The following FAM107B variants were observed in gnomAD, a reference collection of about 807,000 sequenced individuals.
FAM107B encodes the protein family with sequence similarity 107 member B.
A neutral mutation model predicts 31.5 loss-of-function variants in FAM107B; 21 were observed. The ratio of observed to expected loss-of-function variants is 0.67; its 90% confidence interval spans 0.47 to 0.96. FAM107B has a LOEUF of 0.96. FAM107B is among the 40% of genes least tolerant of loss of function. The pLI is 0.00. For synonymous variants in FAM107B, 157 were observed against 141.5 expected (o/e 1.11, Z -0.78); for missense variants, 452 against 377.1 (o/e 1.20, Z -1.64).
At chr10:14,702,838 C>A (rs1003159660) in intron 1 of FAM107B, among the ~76,000 whole-genome samples, 2 of 152,110 alleles carry the variant, frequency 1.3e-5, no homozygotes, top group African/African-American at 4.8e-5. Flanking sequence ...AGAGGCTTCT[C>A]CCCTACCTAC....
intron 2 of FAM107B, among the ~76,000 whole-genome samples, chr10:14,544,666 A>G (rs1848536229): frequency 6.6e-6 from 1 of 152,228 alleles, no homozygotes; most frequent in Admixed American, 6.5e-5. Flanking sequence ...TTAGGAATTT[A>G]CCCTAAAGAC....
At chr10:14,653,387 C>A (rs976312942) in intron 2 of FAM107B, among the ~76,000 whole-genome samples, 1 of 152,204 alleles carries the variant, frequency 6.6e-6, no homozygotes, top group African/African-American at 2.4e-5. Context: ...CACAGCCAGG[C>A]GGGCAAATGC....
intron 1 of FAM107B, chr10:14,723,306 C>T (rs1422632316): frequency 1.7e-5 from 9 of 540,872 alleles, no homozygotes; most frequent in Non-Finnish European, 2.9e-5. Flanking sequence ...ATCTGCACAC[C>T]TTCAGACCAG....
chr10:14,714,752 A>G (rs1013905195), intron 1 of FAM107B, among the ~76,000 whole-genome samples: 22 of 152,320 alleles, frequency 1.4e-4, no homozygotes, highest in African/African-American at 5.1e-4. Flanking sequence ...GAAAAAACTG[A>G]AAGAATATTT....
Position 14,728,451 on chromosome 10 carries a change from G to A in FAM107B, c.411+45802C>T, listed in dbSNP as rs148496286. ...ACACTAAATAAAAGTCAAGGGGAAA[G>A]GAAAGAAGAACTACCCCCAGGGTGT... is the stretch of plus-strand genomic sequence containing the variant. On this transcript the variant is annotated intron_variant, in intron 1 of 4. Transcript: ENST00000181796. Among the ~76,000 whole-genome samples, 522 of 152,122 alleles carry A rather than the reference G, an allele frequency of 3.4e-3. 12 individuals carry two copies. In the East Asian group the frequency reaches 0.045, roughly 13 times the overall value.
At chr10:14,742,062 A>ACCTG (rs1856452856) in intron 1 of FAM107B, among the ~76,000 whole-genome samples, 1 of 151,904 alleles carries the variant, frequency 6.6e-6, no homozygotes, top group Non-Finnish European at 1.5e-5. Context: ...AACAAGTGCT[A>ACCTG]CAGAATTAGC....
chr10:14,528,181 T>TTG (rs1846528654), intron 3 of FAM107B: 1 of 175,314 alleles, frequency 5.7e-6, no homozygotes, highest in Non-Finnish European at 1.2e-5. Flanking sequence ...TTGGTTTTTT[T>TTG]TTTTTTTTTT....
intron 2 of FAM107B, among the ~76,000 whole-genome samples, chr10:14,629,425 A>ATATT (rs1853278450): frequency 4.8e-4 from 2 of 4,162 alleles, no homozygotes; most frequent in African/African-American, 2.0e-3. Context: ...TATAATATAT[A>ATATT]TAATATATAT....
chr10:14,647,841 T>C (rs1853797083), intron 2 of FAM107B, among the ~76,000 whole-genome samples: 1 of 152,130 alleles, frequency 6.6e-6, no homozygotes, highest in African/African-American at 2.4e-5. Flanking sequence ...AAGGGCTGTC[T>C]CCAGATGCCA....
intron 2 of FAM107B, among the ~76,000 whole-genome samples, chr10:14,595,169 G>A (rs1852145798): frequency 6.6e-6 from 1 of 152,090 alleles, no homozygotes; most frequent in African/African-American, 2.4e-5. Flanking sequence ...CCCTTATAAA[G>A]TTACTAAAAA....
intron 2 of FAM107B, among the ~76,000 whole-genome samples, chr10:14,626,865 A>G (rs1853179528): frequency 6.6e-6 from 1 of 152,072 alleles, no homozygotes; most frequent in Non-Finnish European, 1.5e-5. Context: ...TATGGAGCAC[A>G]TTGTCGATGG....
chr10:14,570,381 G>C (rs1052543151), intron 2 of FAM107B, among the ~76,000 whole-genome samples: 9 of 152,126 alleles, frequency 5.9e-5, no homozygotes, highest in African/African-American at 2.2e-4. Flanking sequence ...TAGCCACTGT[G>C]AGAATGACTG....
chr10:14,604,347 C>T (rs1357043122), intron 2 of FAM107B: 12 of 748,238 alleles, frequency 1.6e-5, no homozygotes, highest in South Asian at 5.8e-5. Context: ...GGCGCGAGGG[C>T]GGCTCCGGGG....
In FAM107B at chr10:14,667,661, G is replaced by A. The variant is rs754892361; in HGVS notation, c.442C>T (p.Leu148Phe). 5 of 1,614,016 alleles carry A rather than the reference G, an allele frequency of 3.1e-6. No homozygotes were observed. Among genetic ancestry groups the A allele is most frequent in the Middle Eastern group, 3.3e-4 (2 of 6,084 alleles). The stretch of plus-strand genomic sequence containing the variant: ...GATGTCATTTTCTGCTCCAGCTCGA[G>A]GCATTTAGGTTCTTCTCGAAATTCT... ...EEEFREEPKC[L>F]ELEQKMTSDS... Residue 148 changes from leucine to phenylalanine, a missense_variant, in exon 2 of 5, where the codon CTC (leucine) becomes TTC (phenylalanine). Coordinates refer to ENST00000181796, the MANE Select transcript of FAM107B (RefSeq NM_031453.4).
intron 2 of FAM107B, among the ~76,000 whole-genome samples, chr10:14,655,683 G>A (rs1038696976): frequency 1.3e-5 from 2 of 152,228 alleles, no homozygotes; most frequent in African/African-American, 4.8e-5. Context: ...GTTCATATGT[G>A]AAGGGAACAG....
chr10:14,581,157 T>C (rs1314090246), intron 2 of FAM107B, among the ~76,000 whole-genome samples: 2 of 152,222 alleles, frequency 1.3e-5, no homozygotes, highest in East Asian at 1.9e-4. Flanking sequence ...TCTGGTGCAG[T>C]GCTCGGAAGA....
chr10:14,545,338 T>C (rs565424175), intron 2 of FAM107B, among the ~76,000 whole-genome samples: 1 of 152,154 alleles, frequency 6.6e-6, no homozygotes, highest in African/African-American at 2.4e-5. Context: ...ATCACCTTCA[T>C]AGTGGTTTAG....
chr10:14,594,501 C>CAAAA (rs371126997), intron 2 of FAM107B, among the ~76,000 whole-genome samples: 3 of 80,158 alleles, frequency 3.7e-5, no homozygotes, highest in African/African-American at 1.2e-4. Flanking sequence ...AAGACCCTGC[C>CAAAA]AAAAAAAAAA....
intron 2 of FAM107B, among the ~76,000 whole-genome samples, chr10:14,558,679 T>C (rs1309155826): frequency 6.6e-6 from 1 of 152,086 alleles, no homozygotes; most frequent in Non-Finnish European, 1.5e-5. Flanking sequence ...CAGGAAGGAC[T>C]GGAAAACTGG....
Sources: allele counts gnomAD v4.1 joint callset (sites outside exome capture counted in the v4.1 genomes callset), GRCh38; gene constraint gnomAD v4.1.1; transcripts MANE v1.5; gene names NCBI Gene and HGNC (gene_info 2026-07-23, HGNC 2026-07-21).